Variants in SEPTIN9 observed in about 807,000 individuals in gnomAD.
The protein encoded by SEPTIN9 is septin 9.
SEPTIN9 carries 13 observed loss-of-function variants against 56.6 expected under a neutral mutation model. The ratio of observed to expected loss-of-function variants is 0.23; its 90% confidence interval spans 0.15 to 0.37. SEPTIN9 has a LOEUF of 0.37. SEPTIN9 is among the 10% of genes least tolerant of loss of function. The probability of loss-of-function intolerance (pLI) is 1.00; values close to 1 mark genes in which losing one functional copy is unlikely to be tolerated. For synonymous variants in SEPTIN9, 332 were observed against 334.1 expected (o/e 0.99, Z 0.07); for missense variants, 650 against 823.1 (o/e 0.79, Z 2.57).
At chr17:77,337,711 C>T (rs1313179891) in intron 2 of SEPTIN9, among the ~76,000 whole-genome samples, 1 of 152,074 alleles carries the variant, frequency 6.6e-6, no homozygotes, top group Non-Finnish European at 1.5e-5. Context: ...GGTTTTTTTA[C>T]TTCCCCTTGT....
intron 3 of SEPTIN9, among the ~76,000 whole-genome samples, chr17:77,426,490 C>G (rs2036917160): frequency 6.6e-6 from 1 of 152,088 alleles, no homozygotes; most frequent in South Asian, 2.1e-4. Context: ...CGTGGGGCGG[C>G]CTGTGAGACC....
chr17:77,495,769 G>A (rs151321800), intron 10 of SEPTIN9, among the ~76,000 whole-genome samples: 189 of 152,348 alleles, frequency 1.2e-3, no homozygotes, highest in Middle Eastern at 6.8e-3. Context: ...TGGCAGGAGG[G>A]CCTAGGCAAA....
chr17:77,379,891 T>G (rs1355014606), intron 2 of SEPTIN9, among the ~76,000 whole-genome samples: 1 of 151,928 alleles, frequency 6.6e-6, no homozygotes, highest in Non-Finnish European at 1.5e-5. Flanking sequence ...GGAAAAATGG[T>G]CAAACACTGC....
At chr17:77,477,540 C>T (rs971910357) in intron 3 of SEPTIN9, among the ~76,000 whole-genome samples, 1 of 152,136 alleles carries the variant, frequency 6.6e-6, no homozygotes, top group Non-Finnish European at 1.5e-5. Flanking sequence ...CATCTGTTGG[C>T]GGATGTGTTA....
intron 1 of SEPTIN9, among the ~76,000 whole-genome samples, chr17:77,304,907 G>A (rs1382707261): frequency 6.6e-6 from 1 of 152,148 alleles, no homozygotes; most frequent in Non-Finnish European, 1.5e-5. Context: ...GCTGGGGCTG[G>A]AGGGTCCAGG....
chr17:77,378,017 G>A (rs1196124343), intron 2 of SEPTIN9, among the ~76,000 whole-genome samples: 1 of 152,128 alleles, frequency 6.6e-6, no homozygotes, highest in Non-Finnish European at 1.5e-5. Flanking sequence ...CCACTGTCCC[G>A]ACTACGAGTT....
intron 2 of SEPTIN9, among the ~76,000 whole-genome samples, chr17:77,344,422 G>A (rs904056503): frequency 6.6e-6 from 1 of 152,216 alleles, no homozygotes; most frequent in Non-Finnish European, 1.5e-5. Flanking sequence ...ATGTAAAATG[G>A]TGCAGCTGCT....
At chr17:77,392,345 CT>C (rs2035569540) in intron 2 of SEPTIN9, among the ~76,000 whole-genome samples, 1 of 152,206 alleles carries the variant, frequency 6.6e-6, no homozygotes, top group Non-Finnish European at 1.5e-5. Context: ...TCCTGTGGCT[CT>C]TCCCTGGGTG....
Position 77,367,272 on chromosome 17 carries a change from C to A in SEPTIN9, c.77-34787C>A, listed in dbSNP as rs1195625255. The stretch of plus-strand genomic sequence containing the variant: ...TGGAAACCATGCACTGTCTGTGATC[C>A]TGGGCATGTCGAGGCTGGAGCAGGT... On this transcript the variant is annotated intron_variant, in intron 2 of 11. Transcript: ENST00000427177. The surrounding 1 kb of genome is among the most constrained non-coding windows in gnomAD (Gnocchi z 4.5). 6.6e-6 allele frequency among the ~76,000 whole-genome samples: 1 copy of A among 152,194 alleles called. No individual in the cohort carries two copies. The highest frequency in any genetic ancestry group is 1.5e-5 in the Non-Finnish European group (1 of 68,030).
rs1346268013 is a variant in SEPTIN9 at position 77,492,793 on chromosome 17, C to T, written c.1476+77C>T. The stretch of plus-strand genomic sequence containing the variant: ...AAGGGTGGGTTGGGGGTTTGGAGGA[C>T]CTTAAGCCATGAAATTATATTCTTG... On this transcript the variant is annotated intron_variant, in intron 9 of 11. Coordinates refer to ENST00000427177, the MANE Select transcript of SEPTIN9 (RefSeq NM_001113491.2). This position sits in a 1 kb window ranked among gnomAD's most constrained non-coding sequence, Gnocchi z 5.4. 1 of 1,380,174 alleles carries T rather than the reference C, an allele frequency of 7.2e-7. No homozygotes were observed. Among genetic ancestry groups the T allele is most frequent in the Non-Finnish European group, 1.0e-6 (1 of 967,600 alleles). 85.5% of individuals were successfully genotyped at this position (1,380,174 alleles called of 1,614,324 possible).
chr17:77,448,699 ATAATATT>A (rs1279005442), intron 3 of SEPTIN9, among the ~76,000 whole-genome samples: 2 of 152,154 alleles, frequency 1.3e-5, no homozygotes, highest in South Asian at 2.1e-4. Flanking sequence ...TGTTGAATTG[ATAATATT>A]TTGGGCTCTG....
chr17:77,443,799 A>G (rs1425250353), intron 3 of SEPTIN9, among the ~76,000 whole-genome samples: 1 of 151,882 alleles, frequency 6.6e-6, no homozygotes, highest in Non-Finnish European at 1.5e-5. Context: ...CTCCGTCTCA[A>G]AAAAAAAGAA....
At chr17:77,364,634 GC>G (rs2034518691) in intron 2 of SEPTIN9, among the ~76,000 whole-genome samples, 1 of 152,240 alleles carries the variant, frequency 6.6e-6, no homozygotes, top group African/African-American at 2.4e-5. Context: ...GGGCTTGCCA[GC>G]CCACAGTTCT....
chr17:77,381,478 A>G (rs1218140428), intron 2 of SEPTIN9, among the ~76,000 whole-genome samples: 1 of 150,742 alleles, frequency 6.6e-6, no homozygotes, highest in African/African-American at 2.4e-5. Flanking sequence ...GTGGGTGGGC[A>G]GTTTCCCTGC....
intron 2 of SEPTIN9, among the ~76,000 whole-genome samples, chr17:77,325,957 G>A (rs981206544): frequency 2.0e-5 from 3 of 152,082 alleles, no homozygotes; most frequent in African/African-American, 2.4e-5. Context: ...TGGCTTTCCC[G>A]GAGGCCTGGC....
Position 77,318,672 on chromosome 17 carries a change from C to A in SEPTIN9, c.76+11475C>A, listed in dbSNP as rs1026771412. On this transcript the variant is annotated intron_variant, in intron 2 of 11. Coordinates refer to ENST00000427177, the MANE Select transcript of SEPTIN9 (RefSeq NM_001113491.2). The surrounding 1 kb of genome is among the most constrained non-coding windows in gnomAD (Gnocchi z 4.9). ...TGTCTCCCAGAAGGCTGGGAATGGT[C>A]CTCCCCACCCCCCAGGAAGATGTCC... Among the ~76,000 whole-genome samples, 73 of 152,108 alleles carry A rather than the reference C, an allele frequency of 4.8e-4. No homozygotes were observed. The highest frequency in any genetic ancestry group is 1.7e-3 in the African/African-American group (69 of 41,462).
chr17:77,340,984 T>G (rs923030012), intron 2 of SEPTIN9, among the ~76,000 whole-genome samples: 2 of 152,280 alleles, frequency 1.3e-5, no homozygotes, highest in Admixed American at 1.3e-4. Flanking sequence ...GATTAGGCTT[T>G]TGTTTAAGGG....
Position 77,389,961 on chromosome 17 carries a change from AC to A in SEPTIN9, c.77-12097del, listed in dbSNP as rs2035475694. On this transcript the variant is annotated intron_variant, in intron 2 of 11. Coordinates refer to ENST00000427177, the MANE Select transcript of SEPTIN9 (RefSeq NM_001113491.2). The surrounding 1 kb of genome is among the most constrained non-coding windows in gnomAD (Gnocchi z 4.3). ...AGAGGAAGTCCAGCAACTTAGCGCC[AC>A]TTTAAAGTCCGCCTGGAATGACCCT... 2.6e-5 allele frequency among the ~76,000 whole-genome samples: 4 copies of A among 152,204 alleles called. No homozygotes were observed. The South Asian group carries it at 8.3e-4, about 32-fold the overall frequency.
intron 3 of SEPTIN9, among the ~76,000 whole-genome samples, chr17:77,416,395 G>A (rs1250457067): frequency 6.6e-6 from 1 of 152,200 alleles, no homozygotes; most frequent in Non-Finnish European, 1.5e-5. Context: ...CTGGATGCTT[G>A]GCGTTGGTGC....
Sources: gnomAD v4.1 joint callset for allele counts (sites outside exome capture counted in the v4.1 genomes callset) on GRCh38, gnomAD v4.1.1 for gene constraint, Gnocchi (gnomAD v3.1) non-coding constraint, MANE v1.5 for transcripts, NCBI Gene and HGNC (gene_info 2026-07-23, HGNC 2026-07-21) for gene names.